MEIKIN: variants seen among roughly 807,000 people sequenced by gnomAD.
MEIKIN encodes the protein meiotic kinetochore factor, also known as meiosis-specific kinetochore protein.
chr5:131,912,051 A>C (rs2149643759), intron 7 of MEIKIN, among the ~76,000 whole-genome samples, 172 bp from the exon 8 acceptor site: 1 of 151,254 alleles, frequency 6.6e-6, no homozygotes, highest in African/African-American at 2.5e-5. Flanking sequence ...ATAGTTTAAT[A>C]AAAAAGGCAA....
intron 8 of MEIKIN, among the ~76,000 whole-genome samples, chr5:131,888,571 T>C (rs1750844742): frequency 6.6e-6 from 1 of 152,052 alleles, no homozygotes; most frequent in Non-Finnish European, 1.5e-5. Flanking sequence ...GTTTTTTTCT[T>C]GTAAATTTGT....
intron 11 of MEIKIN, among the ~76,000 whole-genome samples, chr5:131,850,528 T>C (rs945708504): frequency 6.6e-6 from 1 of 152,076 alleles, no homozygotes; most frequent in Admixed American, 6.6e-5. Flanking sequence ...CCCTCACATA[T>C]ATGGTTAAAT....
intron 10 of MEIKIN, among the ~76,000 whole-genome samples, chr5:131,853,811 A>C (rs1750152419): frequency 6.6e-6 from 1 of 152,194 alleles, no homozygotes; most frequent in African/African-American, 2.4e-5. Context: ...CCTCACATCC[A>C]TAAGAACTAC....
rs1220610633 is a variant in MEIKIN at position 131,945,434 on chromosome 5, G to A, written c.72C>T (p.Asp24=). ...GQRLNLTPTP[D]LGSPAKAEAP... ...CCTCGGCCTTCGCTGGAGAGCCTAG[G>A]TCTGGCGTCGGGGTGAGATTGAGCC... The change falls in exon 1 of 13, where the codon GAC becomes GAT. Residue 24 remains aspartate (D), a synonymous_variant. Transcript: ENST00000442687. 2.5e-6 allele frequency: 1 copy of A among 399,250 alleles called. No individual in the cohort carries two copies. Among genetic ancestry groups the A allele is most frequent in the Admixed American group, 4.4e-5 (1 of 22,724 alleles). The allele number at this position is 399,250 out of a possible 1,614,324, so 24.7% of individuals were successfully genotyped here.
At chr5:131,921,263 G>A (rs1751500362) in intron 6 of MEIKIN, among the ~76,000 whole-genome samples, 1 of 152,222 alleles carries the variant, frequency 6.6e-6, no homozygotes, top group African/African-American at 2.4e-5. Flanking sequence ...TATAATCTCA[G>A]CACTTTGGAA....
At chr5:131,899,871 G>A (rs1225748016) in intron 8 of MEIKIN, among the ~76,000 whole-genome samples, 2 of 152,166 alleles carry the variant, frequency 1.3e-5, no homozygotes, top group Admixed American at 6.5e-5. Flanking sequence ...AAAAATTGCT[G>A]GAGATTGCAA....
chr5:131,882,947 G>C (rs559416228), intron 8 of MEIKIN, among the ~76,000 whole-genome samples: 1 of 152,090 alleles, frequency 6.6e-6, no homozygotes, highest in Non-Finnish European at 1.5e-5. Flanking sequence ...TATCCTGATT[G>C]CTCTATCTAA....
intron 8 of MEIKIN, among the ~76,000 whole-genome samples, chr5:131,885,526 A>AGGT (rs1333202598): frequency 6.6e-6 from 1 of 152,216 alleles, no homozygotes; most frequent in Non-Finnish European, 1.5e-5. Context: ...AAGACCACCA[A>AGGT]GGTGGTACCT....
intron 7 of MEIKIN, among the ~76,000 whole-genome samples, chr5:131,915,457 C>T (rs1185133682): frequency 6.6e-6 from 1 of 152,190 alleles, no homozygotes; most frequent in African/African-American, 2.4e-5. Flanking sequence ...AGCACTGCTA[C>T]AAGGCTACGT....
At chr5:131,854,474 A>T (rs1019292149) in intron 10 of MEIKIN, among the ~76,000 whole-genome samples, 32 of 152,206 alleles carry the variant, frequency 2.1e-4, no homozygotes, top group Admixed American at 1.8e-3. Context: ...AAAAATGGTT[A>T]AAATTATAAA....
At chr5:131,928,540 C>T (rs1047431389) in intron 5 of MEIKIN, among the ~76,000 whole-genome samples, 5 of 152,168 alleles carry the variant, frequency 3.3e-5, no homozygotes, top group African/African-American at 1.2e-4. Context: ...TTCTCCCCCT[C>T]CTGCACTTTA....
intron 11 of MEIKIN, among the ~76,000 whole-genome samples, chr5:131,821,342 AT>A (rs1749491919): frequency 6.6e-6 from 1 of 152,076 alleles, no homozygotes; most frequent in South Asian, 2.1e-4. Context: ...GTTTTACTCC[AT>A]TGTGGTCAGG....
At chr5:131,876,473 G>C (rs1233513686) in intron 9 of MEIKIN, among the ~76,000 whole-genome samples, 151 of 143,954 alleles carry the variant, frequency 1.0e-3, no homozygotes, top group African/African-American at 3.8e-3. Flanking sequence ...TTAGAATGGC[G>C]ATCATTAAAA....
intron 11 of MEIKIN, among the ~76,000 whole-genome samples, chr5:131,821,583 GA>G (rs1284694416): frequency 7.0e-6 from 1 of 142,612 alleles, no homozygotes; most frequent in Non-Finnish European, 1.5e-5. Context: ...GTCCAATGCT[GA>G]AAATGGGCTC....
chr5:131,890,048 C>A (rs1750880671), intron 8 of MEIKIN, among the ~76,000 whole-genome samples: 1 of 152,150 alleles, frequency 6.6e-6, no homozygotes, highest in South Asian at 2.1e-4. Context: ...AGCCCTGCAT[C>A]CCAGGGATGA....
intron 11 of MEIKIN, among the ~76,000 whole-genome samples, chr5:131,836,298 T>G (rs1749806656): frequency 6.6e-6 from 1 of 152,228 alleles, no homozygotes; most frequent in African/African-American, 2.4e-5. Flanking sequence ...AGTCTATCAC[T>G]GATGGGCATT....
At chr5:131,835,511 A>T (rs1052202358) in intron 11 of MEIKIN, among the ~76,000 whole-genome samples, 1 of 152,112 alleles carries the variant, frequency 6.6e-6, no homozygotes, top group Non-Finnish European at 1.5e-5. Flanking sequence ...TCTTACATTT[A>T]AGTCTTTAAT....
intron 3 of MEIKIN, among the ~76,000 whole-genome samples, chr5:131,943,523 G>A (rs981113371): frequency 1.3e-5 from 2 of 152,210 alleles, no homozygotes; most frequent in African/African-American, 4.8e-5. Context: ...ACAAATTACA[G>A]TGTATCTATC....
chr5:131,903,660 C>T (rs1048902413), intron 8 of MEIKIN, among the ~76,000 whole-genome samples: 3 of 152,038 alleles, frequency 2.0e-5, no homozygotes, highest in East Asian at 1.9e-4. Context: ...AAAGAAAGAC[C>T]GTTACCAGCC....
Sources: gnomAD v4.1 joint callset for allele counts (sites outside exome capture counted in the v4.1 genomes callset) on GRCh38, gnomAD v4.1.1 for gene constraint, MANE v1.5 for transcripts, NCBI Gene and HGNC (gene_info 2026-07-23, HGNC 2026-07-21) for gene names.